Variants in FAM78A observed in about 807,000 individuals in gnomAD.
FAM78A encodes protein FAM78A.
FAM78A carries 12 observed loss-of-function variants against 22.6 expected under a neutral mutation model. The observed-to-expected ratio is 0.53, with a 90% CI of 0.34 to 0.86. FAM78A has a LOEUF of 0.86. Ranked by LOEUF, FAM78A falls within the 40% of genes least tolerant of loss-of-function variation. The probability of loss-of-function intolerance (pLI) is 0.02; values close to 1 mark genes in which losing one functional copy is unlikely to be tolerated. For synonymous variants in FAM78A, 151 were observed against 155.8 expected, an observed-to-expected ratio of 0.97 and a Z score of 0.23; for missense variants, 322 against 396.1, an observed-to-expected ratio of 0.81 and a Z score of 1.59.
chr9:131,276,466 A>C lies in FAM78A; in HGVS notation c.-287T>G. 7.2e-6 allele frequency: 2 copies of C among 277,216 alleles called. No homozygotes were observed. Among genetic ancestry groups the C allele is most frequent in the East Asian group, 7.0e-5 (1 of 14,346 alleles). The allele number at this position is 277,216 out of a possible 1,614,324, so 17.2% of individuals were successfully genotyped here. A position where few individuals can be genotyped will look rare whatever the true frequency, so the allele number is the denominator to read the frequency against. Reference sequence around the variant, plus strand: ...GACATCCAGCCCTTCTGTGCCTCACACGCGGGGACGGCAGCTCGCAGACTC... The same window carrying C: ...GACATCCAGCCCTTCTGTGCCTCACCCGCGGGGACGGCAGCTCGCAGACTC... On this transcript the variant is annotated 5_prime_UTR_variant, in exon 1 of 2. Transcript: ENST00000372271. The surrounding 1 kb of genome is among the most constrained non-coding windows in gnomAD (Gnocchi z 4.3).
intron 1 of FAM78A, among the ~76,000 whole-genome samples, chr9:131,269,208 C>T (rs1835386435): frequency 6.6e-6 from 1 of 152,044 alleles, no homozygotes; most frequent in African/African-American, 2.4e-5. Context: ...TCCTTTGAGA[C>T]CTTGCTCTCT....
intron 1 of FAM78A, among the ~76,000 whole-genome samples, chr9:131,267,402 C>T (rs1389329573): frequency 6.6e-6 from 1 of 152,120 alleles, no homozygotes; most frequent in South Asian, 2.1e-4. Flanking sequence ...CATGGTGGTG[C>T]GTCCCTATAC....
chr9:131,267,309 G>A (rs1029513819), intron 1 of FAM78A, among the ~76,000 whole-genome samples: 1 of 152,284 alleles, frequency 6.6e-6, no homozygotes, highest in Non-Finnish European at 1.5e-5. Context: ...AGGGGGCATC[G>A]CTTGAACCCA....
Position 131,260,674 on chromosome 9 carries a change from G to C in FAM78A, c.*148C>G, listed in dbSNP as rs901027167. Reference sequence around the variant, plus strand: ...GAAGCAGGTGCCGAGAGCCGGGGAGGCCTTCCCGGGGGCATCAGCACAGTG... The same window carrying C: ...GAAGCAGGTGCCGAGAGCCGGGGAGCCCTTCCCGGGGGCATCAGCACAGTG... On this transcript the variant is annotated 3_prime_UTR_variant, in exon 2 of 2. Transcript: ENST00000372271. This position sits in a 1 kb window ranked among gnomAD's most constrained non-coding sequence, Gnocchi z 5.4. The C allele has an allele frequency of 2.9e-5, 27 of 944,622 alleles. No individual in the cohort carries two copies. In the East Asian group the frequency reaches 7.6e-4, roughly 26 times the overall value. The allele number at this position is 944,622 out of a possible 1,614,324, so 58.5% of individuals were successfully genotyped here. A position where few individuals can be genotyped will look rare whatever the true frequency, so the allele number is the denominator to read the frequency against.
rs1235956414 is a variant in FAM78A at position 131,272,501 on chromosome 9, C to T, written c.323+3356G>A. ...CAGAATTACCTGACCCTGGGCCAGGCAGAGCAGAGGAACAATTCTGGGCTG... is the reference window on the plus strand; with the variant it reads ...CAGAATTACCTGACCCTGGGCCAGGTAGAGCAGAGGAACAATTCTGGGCTG... On this transcript the variant is annotated intron_variant, in intron 1 of 1. Coordinates refer to ENST00000372271, the MANE Select transcript of FAM78A (RefSeq NM_033387.4). This position sits in a 1 kb window ranked among gnomAD's most constrained non-coding sequence, Gnocchi z 4.1. Among the ~76,000 whole-genome samples, 1 of 152,232 alleles carries T rather than the reference C, an allele frequency of 6.6e-6. No homozygotes were observed. The highest frequency in any genetic ancestry group is 6.5e-5 in the Admixed American group (1 of 15,286).
chr9:131,269,787 T>G (rs984757148), intron 1 of FAM78A, among the ~76,000 whole-genome samples: 7 of 152,148 alleles, frequency 4.6e-5, no homozygotes, highest in Admixed American at 3.3e-4. Context: ...CATGTGCATC[T>G]TTATGTGCTG....
upstream of FAM78A, among the ~76,000 whole-genome samples, chr9:131,277,071 C>T (rs1835496418): frequency 6.6e-6 from 1 of 151,214 alleles, no homozygotes; most frequent in East Asian, 1.9e-4. The surrounding 1 kb of genome is among the most constrained non-coding windows in gnomAD (Gnocchi z 8.4). Flanking sequence ...GACGGCGCAG[C>T]TCTGGGCGGT....
chr9:131,269,182 T>C (rs1035307410), intron 1 of FAM78A, among the ~76,000 whole-genome samples: 12 of 151,634 alleles, frequency 7.9e-5, no homozygotes, highest in Non-Finnish European at 1.5e-4. Flanking sequence ...ATGTGCCCCA[T>C]GTACTCTGGT....
At chr9:131,270,987 C>T (rs1200029165) in intron 1 of FAM78A, among the ~76,000 whole-genome samples, 2 of 150,426 alleles carry the variant, frequency 1.3e-5, no homozygotes, top group African/African-American at 4.9e-5. Flanking sequence ...CCTGCCCTGT[C>T]CTTTCCCACC....
chr9:131,266,473 G>A (rs563843010), intron 1 of FAM78A, among the ~76,000 whole-genome samples: 1 of 151,414 alleles, frequency 6.6e-6, no homozygotes, highest in Non-Finnish European at 1.5e-5. Context: ...CGTCATCCTC[G>A]TCCTCATCCT....
chr9:131,279,690 A>G (rs561216159), upstream of FAM78A, among the ~76,000 whole-genome samples: 75 of 152,300 alleles, frequency 4.9e-4, no homozygotes, highest in African/African-American at 1.8e-3. Context: ...TGGGAGTGAC[A>G]GTGCCCCGCC....
chr9:131,270,728 C>T (rs990241713), intron 1 of FAM78A, among the ~76,000 whole-genome samples: 34 of 152,224 alleles, frequency 2.2e-4, no homozygotes, highest in South Asian at 4.1e-4. Flanking sequence ...GCTCAGACCC[C>T]GGCTTCAGGA....
At position 131,260,600 on chromosome 9, in the gene FAM78A, C is replaced by T. The variant is rs923997281; in HGVS notation, c.*222G>A. The T allele has an allele frequency of 2.7e-5, 12 of 436,720 alleles. No individual in the cohort carries two copies. In the South Asian group the frequency reaches 4.2e-4, roughly 15 times the overall value. 27.1% of individuals were successfully genotyped at this position (436,720 alleles called of 1,614,324 possible). A position where few individuals can be genotyped will look rare whatever the true frequency, so the allele number is the denominator to read the frequency against. On this transcript the variant is annotated 3_prime_UTR_variant, in exon 2 of 2. Transcript: ENST00000372271. This position sits in a 1 kb window ranked among gnomAD's most constrained non-coding sequence, Gnocchi z 5.4. Reference sequence around the variant, plus strand: ...AGGAGACCAGAGGTCACCCTGAGGGCGCACGTGGGGTCTGTCTGTCCTGCT... The same window carrying T: ...AGGAGACCAGAGGTCACCCTGAGGGTGCACGTGGGGTCTGTCTGTCCTGCT...
Position 131,261,187 on chromosome 9 carries a change from A to G in FAM78A, c.487T>C (p.Tyr163His), listed in dbSNP as rs1245356461. ...GGCACGGCCCATGTGACGCTGGGGT[A>G]AAAGTTGTCATTCATGCTGATGATG... Reference protein sequence around the residue: ...KFIISMNDNFYPSVTWAVPVS... With the variant: ...KFIISMNDNFHPSVTWAVPVS... Residue 163 changes from tyrosine (Y) to histidine (H), a missense_variant, in exon 2 of 2, where the codon TAC becomes CAC. Tyr to His is a moderately conservative substitution (Grantham distance 83). Transcript: ENST00000372271. The surrounding 1 kb of genome is among the most constrained non-coding windows in gnomAD (Gnocchi z 7.1). 9 of 1,613,822 alleles carry G rather than the reference A, an allele frequency of 5.6e-6. No homozygotes were observed. The highest frequency in any genetic ancestry group is 2.2e-5 in the East Asian group (1 of 44,830).
intron 1 of FAM78A, among the ~76,000 whole-genome samples, chr9:131,262,189 G>C (rs1044967380): frequency 1.3e-5 from 2 of 151,650 alleles, no homozygotes; most frequent in African/African-American, 4.9e-5. Context: ...AATTAGTCAG[G>C]CATGGTGACA....
At position 131,275,985 on chromosome 9, in the gene FAM78A, C is replaced by G. The variant is rs1835479140; in HGVS notation, c.195G>C (p.Arg65=). 1.9e-6 allele frequency: 3 copies of G among 1,613,486 alleles called. No homozygotes were observed. Among genetic ancestry groups the G allele is most frequent in the Admixed American group, 3.3e-5 (2 of 60,006 alleles). Residue 65 remains arginine, a synonymous_variant, in exon 1 of 2, where the codon CGG becomes CGC. Coordinates refer to ENST00000372271, the MANE Select transcript of FAM78A (RefSeq NM_033387.4). The surrounding 1 kb of genome is among the most constrained non-coding windows in gnomAD (Gnocchi z 4.6). ...DESSSVVLRY[R]TPHFRASAQV... Reference sequence around the variant, plus strand: ...GGGCCGAGGCCCGGAAGTGGGGTGTCCGGTAGCGGAGCACCACGCTGGAGG... The same window carrying G: ...GGGCCGAGGCCCGGAAGTGGGGTGTGCGGTAGCGGAGCACCACGCTGGAGG...
At position 131,259,284 on chromosome 9, in the gene FAM78A, G is replaced by C. The variant is rs1222167700; in HGVS notation, c.*1538C>G. On this transcript the variant is annotated 3_prime_UTR_variant, in exon 2 of 2. Transcript: ENST00000372271. ...CACTGCTCAGAACCCTGGCACAATG[G>C]GTCAGGACTAAGTAAGCCCTGGAGC... is the stretch of plus-strand genomic sequence containing the variant. 6.6e-6 allele frequency: 1 copy of C among 152,522 alleles called. No individual in the cohort carries two copies. Among genetic ancestry groups the C allele is most frequent in the Non-Finnish European group, 1.5e-5 (1 of 68,092 alleles). 9.4% of individuals were successfully genotyped at this position (152,522 alleles called of 1,614,324 possible).
rs1564234911 is a variant in FAM78A at position 131,261,011 on chromosome 9, G to A, written c.663C>T (p.Pro221=). 1 of 1,613,932 alleles carries A rather than the reference G, an allele frequency of 6.2e-7. No homozygotes were observed. The highest frequency in any genetic ancestry group is 8.5e-7 in the Non-Finnish European group (1 of 1,179,948). ...GGGCGCGCTGGCCCAGGGGCCGGTT[G>A]GGGTTCACCTCGATGCTGAGCTGCA... ...WRMQLSIEVN[P]NRPLGQRARL... Residue 221 remains proline, a synonymous_variant, in exon 2 of 2, where the codon CCC becomes CCT. Transcript: ENST00000372271. The surrounding 1 kb of genome is among the most constrained non-coding windows in gnomAD (Gnocchi z 7.1).
intron 1 of FAM78A, among the ~76,000 whole-genome samples, chr9:131,273,063 G>C (rs1835439486): frequency 6.6e-6 from 1 of 152,158 alleles, no homozygotes; most frequent in South Asian, 2.1e-4. Flanking sequence ...GCCCTTCAAG[G>C]GTGCAGGTTG....
Sources: gnomAD v4.1 joint callset for allele counts (sites outside exome capture counted in the v4.1 genomes callset) on GRCh38, gnomAD v4.1.1 for gene constraint, Gnocchi (gnomAD v3.1) non-coding constraint, MANE v1.5 for transcripts, NCBI Gene and HGNC (gene_info 2026-07-23, HGNC 2026-07-21) for gene names.